TYW1: variants seen among roughly 807,000 people sequenced by gnomAD.
The protein encoded by TYW1 is tRNA-yW synthesizing protein 1 homolog.
A neutral mutation model predicts 96.2 loss-of-function variants in TYW1; 46 were observed. The ratio of observed to expected loss-of-function variants is 0.48; its 90% CI spans 0.38 to 0.61. TYW1 has a LOEUF of 0.61. TYW1 is among the 20% of genes least tolerant of loss of function. The pLI is 0.00. For synonymous variants in TYW1, 274 were observed against 323.0 expected (o/e 0.85, Z 1.63); for missense variants, 684 against 909.6 (o/e 0.75, Z 3.19).
Position 67,193,812 on chromosome 7 carries a change from G to GGTGTGT in TYW1, c.1810-1351_1810-1346dup, listed in dbSNP as rs35319302. Among the ~76,000 whole-genome samples, 10 of 150,020 alleles carry GGTGTGT rather than the reference G, an allele frequency of 6.7e-5. 1 individual carries two copies. The highest frequency in any genetic ancestry group is 2.5e-4 in the African/African-American group (10 of 40,308). On this transcript the variant is annotated intron_variant, in intron 14 of 15. Coordinates refer to ENST00000359626, the MANE Select transcript of TYW1 (RefSeq NM_018264.4). ...ATTCTGCATTCTCCAGTTTGTCTGT[G>GGTGTGT]GTGTGTGTGTGTCCTGTCTTTATAT...
intron 14 of TYW1, among the ~76,000 whole-genome samples, chr7:67,185,214 A>C (rs1211310204): frequency 6.6e-6 from 1 of 151,908 alleles, no homozygotes; most frequent in African/African-American, 2.4e-5. Context: ...ATTGGATTTT[A>C]AACTAAGTTT....
At chr7:67,023,392 C>T (rs761496076) in intron 6 of TYW1, among the ~76,000 whole-genome samples, 50 of 152,152 alleles carry the variant, frequency 3.3e-4, no homozygotes, top group Middle Eastern at 6.8e-3. Flanking sequence ...CCACTGTGTC[C>T]GGCCCGTTTC....
At chr7:67,102,732 A>G (rs946915790) in intron 12 of TYW1, among the ~76,000 whole-genome samples, 58 of 152,144 alleles carry the variant, frequency 3.8e-4, no homozygotes, top group Middle Eastern at 3.4e-3. Flanking sequence ...GCTCACTACA[A>G]GCTCCGCCTC....
chr7:67,125,271 G>T (rs1797879692), intron 13 of TYW1, among the ~76,000 whole-genome samples: 1 of 152,058 alleles, frequency 6.6e-6, no homozygotes, highest in Admixed American at 6.5e-5. Flanking sequence ...CCACCCCAAG[G>T]TCATGAAGAT....
intron 6 of TYW1, among the ~76,000 whole-genome samples, chr7:67,024,476 T>C (rs1210509877): frequency 1.3e-5 from 2 of 152,128 alleles, no homozygotes; most frequent in Non-Finnish European, 2.9e-5. Context: ...CTAGATTTTA[T>C]TTTTAAAGTA....
chr7:67,205,356 T>C (rs962775177), intron 15 of TYW1, among the ~76,000 whole-genome samples: 7 of 152,002 alleles, frequency 4.6e-5, no homozygotes, highest in African/African-American at 1.7e-4. Context: ...TGTTCCCCCC[T>C]TAGACTCCAC....
chr7:67,032,493 C>T (rs1049136838), intron 7 of TYW1, among the ~76,000 whole-genome samples: 41 of 152,056 alleles, frequency 2.7e-4, no homozygotes, highest in Non-Finnish European at 4.3e-4. Context: ...GATGTGATGG[C>T]GCCTGTAATC....
intron 15 of TYW1, among the ~76,000 whole-genome samples, chr7:67,201,413 G>A (rs1442102636): frequency 6.8e-6 from 1 of 146,734 alleles, no homozygotes; most frequent in Non-Finnish European, 1.5e-5. Flanking sequence ...GGTGAAATGG[G>A]GGTCTGAGAC....
In TYW1 at chr7:67,235,278, A is replaced by G. The variant is rs1801848646; in HGVS notation, c.1978-3030A>G. On this transcript the variant is annotated intron_variant, in intron 15 of 15. Coordinates refer to ENST00000359626, the MANE Select transcript of TYW1 (RefSeq NM_018264.4). Reference sequence around the variant, plus strand: ...CCTTGTACATAACCTCACCTGCTATACATGCTATGTTGTATTATAATTATT... The same window carrying G: ...CCTTGTACATAACCTCACCTGCTATGCATGCTATGTTGTATTATAATTATT... 3.9e-5 allele frequency among the ~76,000 whole-genome samples: 6 copies of G among 152,182 alleles called. No individual in the cohort carries two copies. The South Asian group carries it at 1.2e-3, about 32-fold the overall frequency.
chr7:67,107,849 A>G (rs912502604), intron 12 of TYW1, among the ~76,000 whole-genome samples: 1 of 143,718 alleles, frequency 7.0e-6, no homozygotes, highest in African/African-American at 2.6e-5. Context: ...TACAGGTGGG[A>G]GCCACCATGC....
intron 13 of TYW1, among the ~76,000 whole-genome samples, chr7:67,167,480 A>G (rs1174563487): frequency 8.0e-6 from 1 of 124,672 alleles, no homozygotes; most frequent in African/African-American, 2.8e-5. Flanking sequence ...AAAAAAAAAA[A>G]AAAAAAAAAA....
chr7:67,035,151 C>T (rs1398449475), intron 7 of TYW1, among the ~76,000 whole-genome samples: 14 of 149,062 alleles, frequency 9.4e-5, no homozygotes, highest in Admixed American at 1.4e-4. Flanking sequence ...TGGAGTCTTG[C>T]TCTGTTGCCC....
intron 13 of TYW1, among the ~76,000 whole-genome samples, chr7:67,122,658 G>T (rs529501928): frequency 3.9e-5 from 6 of 152,262 alleles, no homozygotes; most frequent in African/African-American, 1.2e-4. Flanking sequence ...CGTGTCATAA[G>T]TATTTTTCCT....
At chr7:67,234,348 T>TAAAAA (rs57100190) in intron 15 of TYW1, among the ~76,000 whole-genome samples, 8 of 93,336 alleles carry the variant, frequency 8.6e-5, no homozygotes, top group African/African-American at 2.8e-4. Context: ...ACCTATCTCT[T>TAAAAA]AAAAAAAAAA....
At chr7:67,219,409 T>C (rs1295618754) in intron 15 of TYW1, among the ~76,000 whole-genome samples, 2 of 152,150 alleles carry the variant, frequency 1.3e-5, no homozygotes. Context: ...ACTGAATGAG[T>C]TGAAAGTATT....
At position 67,136,683 on chromosome 7, in the gene TYW1, G is replaced by A. The variant is rs868312547; in HGVS notation, c.1698+19065G>A. ...TGTGTGTGTGTGTGTGTGTGTGTGT[G>A]TGTATATATATATATGCTGACATCA... is the stretch of plus-strand genomic sequence containing the variant. On this transcript the variant is annotated intron_variant, in intron 13 of 15. Coordinates refer to ENST00000359626, the MANE Select transcript of TYW1 (RefSeq NM_018264.4). 1.8e-3 allele frequency among the ~76,000 whole-genome samples: 183 copies of A among 104,550 alleles called. 1 individual carries two copies. Among genetic ancestry groups the A allele is most frequent in the Middle Eastern group, 0.011 (2 of 176 alleles). 68.6% of individuals were successfully genotyped at this position (104,550 alleles called of 152,430 possible).
intron 13 of TYW1, among the ~76,000 whole-genome samples, chr7:67,168,429 G>T (rs1054287028): frequency 6.6e-6 from 1 of 152,096 alleles, no homozygotes; most frequent in African/African-American, 2.4e-5. Flanking sequence ...CATAAAATGA[G>T]TAAGGAGAAT....
intron 7 of TYW1, among the ~76,000 whole-genome samples, chr7:67,046,003 G>A (rs1016133399): frequency 7.2e-5 from 11 of 152,174 alleles, no homozygotes; most frequent in Admixed American, 3.3e-4. Flanking sequence ...ATTGGGAGTC[G>A]ACTGGCAAGG....
intron 9 of TYW1, among the ~76,000 whole-genome samples, chr7:67,065,392 C>A (rs1362024800): frequency 6.6e-6 from 1 of 152,218 alleles, no homozygotes; most frequent in Non-Finnish European, 1.5e-5. Flanking sequence ...AGTGTATTAA[C>A]TTCTTAATCA....
Sources: allele counts gnomAD v4.1 joint callset (sites outside exome capture counted in the v4.1 genomes callset), GRCh38; gene constraint gnomAD v4.1.1; transcripts MANE v1.5; gene names NCBI Gene and HGNC (gene_info 2026-07-23, HGNC 2026-07-21).